The following MLIP variants were observed in gnomAD, a reference collection of about 807,000 sequenced individuals.
MLIP encodes muscular LMNA interacting protein, also known as muscular LMNA-interacting protein.
Under a neutral mutation model 84.8 loss-of-function variants are expected in MLIP, and 79 were observed. The ratio of observed to expected loss-of-function variants is 0.93; its 90% CI spans 0.78 to 1.12. The LOEUF (loss-of-function observed/expected upper bound fraction) is 1.12. MLIP is among the 50% of genes most tolerant of loss of function. The pLI, the probability that MLIP is intolerant of heterozygous loss-of-function variation, is 0.00. For missense variants in MLIP, 1,257 were observed against 1,160.6 expected (o/e 1.08, Z -1.21); for synonymous variants, 504 against 463.0 (o/e 1.09, Z -1.14).
At chr6:54,166,213 G>T (rs1469011081) in intron 8 of MLIP, among the ~76,000 whole-genome samples, 1 of 151,912 alleles carries the variant, frequency 6.6e-6, no homozygotes, top group Non-Finnish European at 1.5e-5. Context: ...TGGTGGAAGA[G>T]AAATAATTTT....
intron 9 of MLIP, among the ~76,000 whole-genome samples, chr6:54,171,070 A>G (rs1775724340): frequency 1.3e-5 from 2 of 151,522 alleles, no homozygotes; most frequent in Admixed American, 6.6e-5. Context: ...TTAGTTTTCA[A>G]TAGGTTCAAA....
At chr6:54,217,154 A>G (rs1408178663) in intron 11 of MLIP, 1 of 985,304 alleles carries the variant, frequency 1.0e-6, no homozygotes, top group Non-Finnish European at 1.2e-6. Flanking sequence ...TGGTACTCTG[A>G]GTTCACAAAG....
At chr6:54,215,529 T>C (rs1480593548) in intron 11 of MLIP, 5 of 446,464 alleles carry the variant, frequency 1.1e-5, no homozygotes, top group Non-Finnish European at 1.6e-5. Flanking sequence ...GATGATTTGA[T>C]GTATGTGTAC....
intron 12 of MLIP, among the ~76,000 whole-genome samples, chr6:54,247,113 A>G (rs1782134196): frequency 6.6e-6 from 1 of 152,156 alleles, no homozygotes; most frequent in Admixed American, 6.6e-5. Context: ...ATGCCTGAGA[A>G]TATATTTTAA....
At chr6:54,141,866 C>T (rs1303152542) in intron 4 of MLIP, among the ~76,000 whole-genome samples, 1 of 152,172 alleles carries the variant, frequency 6.6e-6, no homozygotes, top group Admixed American at 6.5e-5. Context: ...AAAGACTCTC[C>T]ATTCATGGGC....
At chr6:54,122,150 A>G (rs1338578126) in intron 2 of MLIP, among the ~76,000 whole-genome samples, 1 of 152,194 alleles carries the variant, frequency 6.6e-6, no homozygotes, top group Non-Finnish European at 1.5e-5. Context: ...TCCCAAGGAA[A>G]TATTACAAAA....
chr6:54,160,284 T>TA, intron 5 of MLIP, 83 bp from the exon 6 acceptor site: 1 of 1,083,522 alleles, frequency 9.2e-7, no homozygotes, highest in South Asian at 1.4e-5. Context: ...TATTAATACA[T>TA]ACAAGGCTTT....
intron 12 of MLIP, among the ~76,000 whole-genome samples, chr6:54,237,544 C>A (rs1282684796): frequency 6.6e-6 from 1 of 151,922 alleles, no homozygotes; most frequent in Non-Finnish European, 1.5e-5. Context: ...CAGGCTCCTG[C>A]AGATCAAAAC....
At chr6:54,181,708 C>T (rs775774950) in intron 9 of MLIP, among the ~76,000 whole-genome samples, 4 of 152,274 alleles carry the variant, frequency 2.6e-5, no homozygotes, top group South Asian at 2.1e-4. Flanking sequence ...CACTACCCAA[C>T]GGCTCTTTAG....
chr6:54,229,364 T>G (rs908145204), intron 11 of MLIP, among the ~76,000 whole-genome samples: 3 of 152,204 alleles, frequency 2.0e-5, no homozygotes, highest in Non-Finnish European at 4.4e-5. Context: ...AATTTTTATT[T>G]TTTCTTCAAC....
In MLIP at chr6:54,111,470, T is replaced by A. The variant is rs1769456379; in HGVS notation, c.-10T>A. 9.8e-6 allele frequency: 15 copies of A among 1,535,896 alleles called. No homozygotes were observed. The South Asian group carries it at 1.8e-4, about 18-fold the overall frequency. On this transcript the variant is annotated 5_prime_UTR_variant, in exon 1 of 14. It removes the in-frame stop codon of an upstream open reading frame in the 5' UTR. Transcript: ENST00000502396. ...TCATTGGTTTGCTCGCTCCCTTATG[T>A]GATGAATCAATGCTTTCAGAACAGG...
intron 1 of MLIP, among the ~76,000 whole-genome samples, chr6:54,085,619 G>A (rs894896109): frequency 2.0e-5 from 3 of 152,114 alleles, no homozygotes; most frequent in Non-Finnish European, 4.4e-5. Context: ...ATTAAAGGGT[G>A]GAAGCCCAGC....
chr6:54,116,006 G>T (rs1769885971), intron 1 of MLIP, among the ~76,000 whole-genome samples: 1 of 152,138 alleles, frequency 6.6e-6, no homozygotes, highest in South Asian at 2.1e-4. Context: ...ACAGTGAAAA[G>T]GTTTTGAGAG....
At chr6:54,263,994 G>C (rs1783543703) in intron 13 of MLIP, among the ~76,000 whole-genome samples, 1 of 152,036 alleles carries the variant, frequency 6.6e-6, no homozygotes, top group Non-Finnish European at 1.5e-5. Flanking sequence ...AATAAACCCA[G>C]TAAAAACTTC....
chr6:54,224,850 C>T (rs1780470737), intron 11 of MLIP, among the ~76,000 whole-genome samples: 1 of 152,132 alleles, frequency 6.6e-6, no homozygotes. Flanking sequence ...TTTTCCATCA[C>T]TGAGTTACTT....
At chr6:54,225,018 AT>A (rs1202954810) in intron 11 of MLIP, among the ~76,000 whole-genome samples, 4 of 152,026 alleles carry the variant, frequency 2.6e-5, no homozygotes, top group African/African-American at 9.7e-5. Context: ...TGGTTCCATG[AT>A]TTTGCAATTG....
At chr6:54,196,649 T>C (rs1384359182) in intron 10 of MLIP, among the ~76,000 whole-genome samples, 1 of 152,122 alleles carries the variant, frequency 6.6e-6, no homozygotes, top group Non-Finnish European at 1.5e-5. Context: ...AGACTCCATA[T>C]TGAATTATAG....
At chr6:54,083,734 G>A (rs1257918333) in intron 1 of MLIP, 2 of 1,166,568 alleles carry the variant, frequency 1.7e-6, no homozygotes, top group African/African-American at 3.0e-5. Flanking sequence ...CAGTAGTTAT[G>A]TTTTAGGTGG....
At chr6:54,178,829 A>C (rs192471297) in intron 9 of MLIP, among the ~76,000 whole-genome samples, 2 of 152,206 alleles carry the variant, frequency 1.3e-5, no homozygotes, top group Admixed American at 6.5e-5. Flanking sequence ...ATCCTTGAGA[A>C]TGATCCATGT....
Sources: gnomAD v4.1 joint callset for allele counts (sites outside exome capture counted in the v4.1 genomes callset) on GRCh38, gnomAD v4.1.1 for gene constraint, MANE v1.5 for transcripts, NCBI Gene and HGNC (gene_info 2026-07-23, HGNC 2026-07-21) for gene names.